The following TRUB1 variants were observed in gnomAD, a reference collection of about 807,000 sequenced individuals.
TRUB1 encodes TruB pseudouridine synthase family member 1.
In TRUB1, 23 loss-of-function variants were observed where a neutral mutation model predicts 33.9. That is an observed-to-expected ratio of 0.68 (90% CI 0.49 to 0.96). TRUB1 has a LOEUF of 0.96. Among genes scored for constraint, TRUB1 ranks in the 40% least tolerant of loss-of-function variants. TRUB1 has a pLI of 0.00. For missense variants in TRUB1, 378 were observed against 422.2 expected, an observed-to-expected ratio of 0.90 and a Z score of 0.92; for synonymous variants, 163 against 165.4, an observed-to-expected ratio of 0.99 and a Z score of 0.11.
intron 4 of TRUB1, among the ~76,000 whole-genome samples, chr10:114,963,718 A>T (rs894344853): frequency 5.3e-5 from 8 of 152,166 alleles, no homozygotes; most frequent in Non-Finnish European, 1.2e-4. Context: ...ATGGAATTAA[A>T]CACTATGTGT....
chr10:114,963,337 C>G (rs2084292212), intron 4 of TRUB1, among the ~76,000 whole-genome samples: 1 of 152,110 alleles, frequency 6.6e-6, no homozygotes, highest in Non-Finnish European at 1.5e-5. Flanking sequence ...GGAGTAAGCT[C>G]AAGAGTTGAA....
intron 4 of TRUB1, among the ~76,000 whole-genome samples, chr10:114,964,231 A>G (rs368628931): frequency 2.6e-5 from 4 of 152,092 alleles, no homozygotes; most frequent in South Asian, 2.1e-4. Flanking sequence ...TTGATTATTG[A>G]TGAGATTTGG....
chr10:114,959,530 A>G (rs1043312697), intron 3 of TRUB1, among the ~76,000 whole-genome samples, 196 bp from the exon 4 acceptor site: 2 of 152,234 alleles, frequency 1.3e-5, no homozygotes, highest in Non-Finnish European at 2.9e-5. Flanking sequence ...GGCTAGTGTG[A>G]GACGTTTGTT....
chr10:114,945,297 G>A (rs1387457576), intron 2 of TRUB1, among the ~76,000 whole-genome samples: 1 of 152,102 alleles, frequency 6.6e-6, no homozygotes. Context: ...GCAGAAATTA[G>A]GGCTTCATGA....
At chr10:114,951,039 T>C in intron 2 of TRUB1, 55 bp from the exon 3 acceptor site, 1 of 1,495,750 alleles carries the variant, frequency 6.7e-7, no homozygotes, top group Admixed American at 1.8e-5. Flanking sequence ...ATAGCTATTT[T>C]AAAAACCTAG....
In TRUB1 at chr10:114,970,378, A is replaced by C. The variant is rs1396311324; in HGVS notation, c.534A>C (p.Thr178=). The C allele has an allele frequency of 6.2e-7, 1 of 1,611,004 alleles. No homozygotes were observed. Among genetic ancestry groups the C allele is most frequent in the African/African-American group, 1.3e-5 (1 of 74,850 alleles). ...VTEEKPYDKI[T]QEDIEGILQK... ...GTTGATTTTTGGCAGATAAAATAAC[A>C]CAAGAAGATATTGAAGGCATTCTAC... Residue 178 remains threonine, a synonymous_variant, in exon 5 of 8, where the codon ACA becomes ACC. Coordinates refer to ENST00000298746, the MANE Select transcript of TRUB1 (RefSeq NM_139169.5).
chr10:114,962,709 A>C (rs921162341), intron 4 of TRUB1, among the ~76,000 whole-genome samples: 1 of 152,198 alleles, frequency 6.6e-6, no homozygotes, highest in Non-Finnish European at 1.5e-5. Flanking sequence ...TGTCCTGTGT[A>C]CTGTCAGACT....
At chr10:114,943,924 C>G (rs996612450) in intron 2 of TRUB1, among the ~76,000 whole-genome samples, 2 of 151,456 alleles carry the variant, frequency 1.3e-5, no homozygotes, top group Admixed American at 6.6e-5. Flanking sequence ...ATTAGTTGAC[C>G]GTTTTATTGC....
chr10:114,939,598 G>GT (rs1236189718), intron 1 of TRUB1, among the ~76,000 whole-genome samples: 1 of 152,188 alleles, frequency 6.6e-6, no homozygotes, highest in Non-Finnish European at 1.5e-5. Flanking sequence ...AGATTTAAGT[G>GT]TTTATGGGCA....
intron 1 of TRUB1, 27 bp from the exon 2 acceptor site, chr10:114,942,618 C>CT (rs748755378): frequency 2.0e-6 from 3 of 1,510,554 alleles, no homozygotes; most frequent in Non-Finnish European, 2.8e-6. Context: ...TGGTGATCAC[C>CT]TTTTTTCATC....
Position 114,949,887 on chromosome 10 carries a change from T to A in TRUB1, c.386-1207T>A, listed in dbSNP as rs1466652105. On this transcript the variant is annotated intron_variant, in intron 2 of 7. Transcript: ENST00000298746. ...TCTATCAACAGGGGTAATTATACTATCTTTTAAAGTTTTTTTTTTTTTTTT... is the reference window on the plus strand; with the variant it reads ...TCTATCAACAGGGGTAATTATACTAACTTTTAAAGTTTTTTTTTTTTTTTT... Among the ~76,000 whole-genome samples, 7 of 147,792 alleles carry A rather than the reference T, an allele frequency of 4.7e-5. No individual in the cohort carries two copies. The Admixed American group carries it at 4.8e-4, about 10-fold the overall frequency.
At chr10:114,940,078 A>G (rs1027487380) in intron 1 of TRUB1, among the ~76,000 whole-genome samples, 5 of 152,050 alleles carry the variant, frequency 3.3e-5, no homozygotes, top group Admixed American at 2.0e-4. Flanking sequence ...GGGCTTTCCA[A>G]ATGTCATTGT....
At chr10:114,956,937 AT>A (rs1299873594) in intron 3 of TRUB1, among the ~76,000 whole-genome samples, 2 of 152,194 alleles carry the variant, frequency 1.3e-5, no homozygotes, top group East Asian at 3.9e-4. Flanking sequence ...GAGAATGTTG[AT>A]TTAGATATTG....
chr10:114,970,441 G>A lies in TRUB1; in HGVS notation c.596+1G>A. 7 of 1,603,316 alleles carry A rather than the reference G, an allele frequency of 4.4e-6. No individual in the cohort carries two copies. The highest frequency in any genetic ancestry group is 6.0e-6 in the Non-Finnish European group (7 of 1,170,862). Reference sequence around the variant, plus strand: ...GAAATATAATGCAAGTGCCCCCCCTGTAAGTTCAATTAGTAAATTTGGAAA... The same window carrying A: ...GAAATATAATGCAAGTGCCCCCCCTATAAGTTCAATTAGTAAATTTGGAAA... On this transcript the variant is annotated splice_donor_variant, in intron 5 of 7. Transcript: ENST00000298746. LOFTEE classifies it high-confidence loss of function.
At chr10:114,955,828 G>T (rs1255150402) in intron 3 of TRUB1, among the ~76,000 whole-genome samples, 2 of 152,046 alleles carry the variant, frequency 1.3e-5, no homozygotes, top group African/African-American at 4.8e-5. Flanking sequence ...CATAAATACT[G>T]TATTGAAAAT....
intron 1 of TRUB1, among the ~76,000 whole-genome samples, chr10:114,939,371 C>G: frequency 6.6e-6 from 1 of 152,146 alleles, no homozygotes; most frequent in East Asian, 1.9e-4. Context: ...AACTCTCTTA[C>G]CTTAACTGAG....
intron 3 of TRUB1, among the ~76,000 whole-genome samples, chr10:114,951,626 T>G (rs961480348): frequency 2.6e-5 from 4 of 152,164 alleles, no homozygotes; most frequent in Non-Finnish European, 5.9e-5. Context: ...TAACCTTGAA[T>G]AGATCCAAAA....
chr10:114,945,494 G>A (rs182949667), intron 2 of TRUB1, among the ~76,000 whole-genome samples: 35 of 152,260 alleles, frequency 2.3e-4, no homozygotes, highest in African/African-American at 7.7e-4. Context: ...TCGGGTGGCG[G>A]TTCTTCATTG....
intron 2 of TRUB1, among the ~76,000 whole-genome samples, chr10:114,946,081 G>A (rs2084209967): frequency 6.6e-6 from 1 of 152,124 alleles, no homozygotes; most frequent in African/African-American, 2.4e-5. Context: ...ATGAGAAGTC[G>A]ATTTTTGATT....
Sources: gnomAD v4.1 joint callset for allele counts (sites outside exome capture counted in the v4.1 genomes callset) on GRCh38, gnomAD v4.1.1 for gene constraint, MANE v1.5 for transcripts, NCBI Gene and HGNC (gene_info 2026-07-23, HGNC 2026-07-21) for gene names.